Variants in METTL24 observed in about 807,000 individuals in gnomAD.
The protein encoded by METTL24 is probable methyltransferase-like protein 24.
A neutral mutation model predicts 32.7 loss-of-function variants in METTL24; 29 were observed. The observed-to-expected ratio is 0.89, with a 90% CI of 0.66 to 1.21. The LOEUF is 1.21. METTL24 is among the 50% of genes most tolerant of loss of function. The pLI is 0.00. For synonymous variants in METTL24, 163 were observed against 179.5 expected (o/e 0.91, Z 0.73); for missense variants, 439 against 468.1 (o/e 0.94, Z 0.57).
chr6:110,274,819 T>C (rs1340223707), intron 4 of METTL24, among the ~76,000 whole-genome samples: 2 of 148,382 alleles, frequency 1.3e-5, no homozygotes, highest in African/African-American at 2.5e-5. Flanking sequence ...TTTTTTTTTT[T>C]TGAGACAGCC....
intron 1 of METTL24, among the ~76,000 whole-genome samples, chr6:110,336,378 T>C (rs1296430961): frequency 6.6e-6 from 1 of 152,198 alleles, no homozygotes; most frequent in Non-Finnish European, 1.5e-5. Flanking sequence ...CCCACATGAA[T>C]GTTTGTTACT....
chr6:110,309,860 A>G (rs998757948), intron 3 of METTL24, among the ~76,000 whole-genome samples: 1 of 140,408 alleles, frequency 7.1e-6, no homozygotes, highest in African/African-American at 3.1e-5. Flanking sequence ...TATTCTTAGG[A>G]GCAAAAAAAA....
chr6:110,327,697 T>C (rs1472481559), intron 1 of METTL24, among the ~76,000 whole-genome samples: 1 of 152,252 alleles, frequency 6.6e-6, no homozygotes, highest in African/African-American at 2.4e-5. Context: ...CTCTAGTGTA[T>C]ACATCAACAT....
At position 110,245,515 on chromosome 6, in the gene METTL24, A is replaced by G. The variant is rs1360119088; in HGVS notation, c.*431T>C. Among the ~76,000 whole-genome samples the G allele has an allele frequency of 2.0e-5, 3 of 152,218 alleles. No individual in the cohort carries two copies. Among genetic ancestry groups the G allele is most frequent in the Non-Finnish European group, 4.4e-5 (3 of 68,038 alleles). On this transcript the variant is annotated 3_prime_UTR_variant, in exon 5 of 5. Coordinates refer to ENST00000338882, the MANE Select transcript of METTL24 (RefSeq NM_001123364.3). Reference sequence around the variant, plus strand: ...GAATATCATTAACAAGGTAAATAAGAAAAACCTTGAAAAAGGAGGGTCAAA... The same window carrying G: ...GAATATCATTAACAAGGTAAATAAGGAAAACCTTGAAAAAGGAGGGTCAAA...
At chr6:110,326,553 T>C (rs75884729) in intron 1 of METTL24, among the ~76,000 whole-genome samples, 4,749 of 152,260 alleles carry the variant, frequency 0.031, 288 homozygotes, top group African/African-American at 0.11. Flanking sequence ...ACTTGGGCAA[T>C]CAGTCAGGGA....
At chr6:110,355,021 C>T (rs1772677209) in intron 1 of METTL24, among the ~76,000 whole-genome samples, 1 of 152,170 alleles carries the variant, frequency 6.6e-6, no homozygotes, top group Admixed American at 6.5e-5. Flanking sequence ...TATACTTTCA[C>T]ATACTGGGGT....
chr6:110,348,410 A>C (rs1772523543), intron 1 of METTL24, among the ~76,000 whole-genome samples: 1 of 152,182 alleles, frequency 6.6e-6, no homozygotes, highest in African/African-American at 2.4e-5. Flanking sequence ...GGACTCCTAG[A>C]TCCCACGTAT....
chr6:110,287,621 A>T (rs912717656), intron 4 of METTL24, among the ~76,000 whole-genome samples: 1 of 152,208 alleles, frequency 6.6e-6, no homozygotes, highest in Non-Finnish European at 1.5e-5. Flanking sequence ...CTGAAACATC[A>T]GGAGCTAAGG....
At chr6:110,293,865 A>C (rs935611741) in intron 4 of METTL24, among the ~76,000 whole-genome samples, 7 of 151,832 alleles carry the variant, frequency 4.6e-5, no homozygotes, top group South Asian at 2.1e-4. Context: ...CTATCTCAAA[A>C]TGTGCAGTTT....
intron 3 of METTL24, among the ~76,000 whole-genome samples, chr6:110,314,891 G>C (rs1461246152): frequency 6.6e-6 from 1 of 152,184 alleles, no homozygotes; most frequent in East Asian, 1.9e-4. Flanking sequence ...TGGAGCCTGA[G>C]AGGCAGGGGT....
chr6:110,281,600 G>C (rs1771137139), intron 4 of METTL24, among the ~76,000 whole-genome samples: 1 of 150,750 alleles, frequency 6.6e-6, no homozygotes, highest in African/African-American at 2.4e-5. Flanking sequence ...AGTGAGCCTA[G>C]ATCACACCAC....
chr6:110,294,177 A>C (rs1462251048), intron 4 of METTL24, among the ~76,000 whole-genome samples: 2 of 152,006 alleles, frequency 1.3e-5, no homozygotes, highest in African/African-American at 4.8e-5. Flanking sequence ...AGAGTGAGAG[A>C]GAGAAAGCAA....
At chr6:110,296,878 C>T (rs1487081474) in intron 4 of METTL24, among the ~76,000 whole-genome samples, 2 of 152,128 alleles carry the variant, frequency 1.3e-5, no homozygotes, top group South Asian at 2.1e-4. Flanking sequence ...GAAAACAGAT[C>T]GTGCTTGCTA....
At chr6:110,268,259 T>C (rs1770894384) in intron 4 of METTL24, among the ~76,000 whole-genome samples, 1 of 152,104 alleles carries the variant, frequency 6.6e-6, no homozygotes, top group Non-Finnish European at 1.5e-5. Context: ...CATACAAACC[T>C]GAGATTCAGA....
intron 4 of METTL24, among the ~76,000 whole-genome samples, chr6:110,261,297 A>ATGG (rs1412199226): frequency 3.3e-5 from 5 of 150,726 alleles, no homozygotes; most frequent in Non-Finnish European, 7.4e-5. Context: ...TGGAAAACAA[A>ATGG]AAAAGGCAGG....
chr6:110,354,542 C>T (rs1017631865), intron 1 of METTL24, among the ~76,000 whole-genome samples: 10 of 152,226 alleles, frequency 6.6e-5, no homozygotes, highest in Non-Finnish European at 1.5e-5. Context: ...GTATTCTCAA[C>T]AAACAAAATC....
At chr6:110,253,718 GCACA>G (rs1425950846) in intron 4 of METTL24, among the ~76,000 whole-genome samples, 1 of 152,092 alleles carries the variant, frequency 6.6e-6, no homozygotes, top group Non-Finnish European at 1.5e-5. Context: ...ACGTACACAT[GCACA>G]CACAAACACA....
chr6:110,293,112 C>A lies in METTL24; in HGVS notation c.786+5810G>T, dbSNP rs540326032. On this transcript the variant is annotated intron_variant, in intron 4 of 4. Transcript: ENST00000338882. ...TCAGTATGAACTCTAGAATCAGCTT[C>A]TTTAGTTCTGAAAAAAAAATCCTAT... Among the ~76,000 whole-genome samples, 4 of 151,640 alleles carry A rather than the reference C, an allele frequency of 2.6e-5. No individual in the cohort carries two copies. The South Asian group carries it at 8.3e-4, about 32-fold the overall frequency.
At position 110,334,454 on chromosome 6, in the gene METTL24, C is replaced by T. The variant is rs544462375; in HGVS notation, c.319-11582G>A. On this transcript the variant is annotated intron_variant, in intron 1 of 4. Transcript: ENST00000338882. ...GGCTGACAAGGGGACAGAGGCCACA[C>T]GTGGCACAGGACATTGACGGGAAGC... Among the ~76,000 whole-genome samples, 67 of 152,226 alleles carry T rather than the reference C, an allele frequency of 4.4e-4. 1 individual carries two copies. The highest frequency in any genetic ancestry group is 2.6e-4 in the Admixed American group (4 of 15,292).
Sources: allele counts gnomAD v4.1 joint callset (sites outside exome capture counted in the v4.1 genomes callset), GRCh38; gene constraint gnomAD v4.1.1; transcripts MANE v1.5; gene names NCBI Gene and HGNC (gene_info 2026-07-23, HGNC 2026-07-21).